RBFOX1: variants seen among roughly 807,000 people sequenced by gnomAD.
RBFOX1 encodes the protein RNA binding protein fox-1 homolog 1.
In RBFOX1, 8 loss-of-function variants were observed where a neutral mutation model predicts 57.7. The ratio of observed to expected loss-of-function variants is 0.14; its 90% CI spans 0.08 to 0.25. The LOEUF (loss-of-function observed/expected upper bound fraction) is 0.25, where lower values mean the gene tolerates loss of function less well. RBFOX1 is among the 10% of genes least tolerant of loss of function. RBFOX1 has a pLI of 1.00. For missense variants in RBFOX1, 611 were observed against 548.5 expected (o/e 1.11, Z -1.14); for synonymous variants, 326 against 222.4 (o/e 1.47, Z -4.15).
chr16:6,866,369 A>T (rs990698902), intron 3 of RBFOX1, among the ~76,000 whole-genome samples: 6 of 151,794 alleles, frequency 4.0e-5, no homozygotes, highest in African/African-American at 1.2e-4. Flanking sequence ...AACTCTGTTG[A>T]TGGGTCTAAT....
chr16:5,323,590 A>C (rs1324526936), intron 1 of RBFOX1, among the ~76,000 whole-genome samples: 1 of 152,254 alleles, frequency 6.6e-6, no homozygotes, highest in African/African-American at 2.4e-5. Context: ...GACATTTCAG[A>C]AGAGATCGAC....
intron 3 of RBFOX1, among the ~76,000 whole-genome samples, chr16:6,999,221 TTTTA>T (rs1480243407): frequency 2.0e-5 from 2 of 101,228 alleles, no homozygotes; most frequent in African/African-American, 6.5e-5. Context: ...TATTTATTTT[TTTTA>T]TTTATTTTTT....
At chr16:6,967,012 G>C (rs888432839) in intron 3 of RBFOX1, among the ~76,000 whole-genome samples, 1 of 151,640 alleles carries the variant, frequency 6.6e-6, no homozygotes, top group Non-Finnish European at 1.5e-5. Context: ...TTTTATTTCT[G>C]TATGTACCTA....
intron 2 of RBFOX1, among the ~76,000 whole-genome samples, chr16:5,502,507 G>T (rs1301194297): frequency 1.3e-5 from 2 of 152,154 alleles, no homozygotes; most frequent in Non-Finnish European, 2.9e-5. Context: ...CTGCTTCTCT[G>T]GGTCTGGCTG....
At chr16:5,593,791 C>G (rs964762654) in intron 2 of RBFOX1, among the ~76,000 whole-genome samples, 4 of 152,206 alleles carry the variant, frequency 2.6e-5, no homozygotes, top group Non-Finnish European at 4.4e-5. Context: ...CCTTTACTTT[C>G]CTAATCAACT....
chr16:7,573,159 C>A (rs2092966976), intron 5 of RBFOX1, among the ~76,000 whole-genome samples: 2 of 152,040 alleles, frequency 1.3e-5, no homozygotes, highest in Admixed American at 1.3e-4. Context: ...ATTGTATCGG[C>A]AAGAGGGCAA....
chr16:7,275,592 G>T (rs1415894072), intron 4 of RBFOX1, among the ~76,000 whole-genome samples: 2 of 152,216 alleles, frequency 1.3e-5, no homozygotes, highest in East Asian at 1.9e-4. Flanking sequence ...GTTCTGGAAA[G>T]CCTGCTAATT....
intron 12 of RBFOX1, among the ~76,000 whole-genome samples, chr16:7,659,090 C>G (rs1223116006): frequency 1.3e-5 from 2 of 152,302 alleles, no homozygotes; most frequent in Middle Eastern, 3.4e-3. Flanking sequence ...GTCTTGTTCT[C>G]TAGGTATCTC....
At chr16:6,969,353 G>A (rs1025496636) in intron 3 of RBFOX1, among the ~76,000 whole-genome samples, 1 of 152,146 alleles carries the variant, frequency 6.6e-6, no homozygotes, top group African/African-American at 2.4e-5. Flanking sequence ...GTGTCATGCA[G>A]TGATTCCATA....
chr16:6,820,541 C>G (rs1046776806), intron 3 of RBFOX1, among the ~76,000 whole-genome samples: 4 of 151,904 alleles, frequency 2.6e-5, no homozygotes, highest in African/African-American at 9.7e-5. Flanking sequence ...CACCTATAGT[C>G]TCAGCTACTT....
intron 2 of RBFOX1, among the ~76,000 whole-genome samples, chr16:6,513,760 A>C (rs897557158): frequency 3.3e-5 from 5 of 152,072 alleles, no homozygotes; most frequent in Non-Finnish European, 5.9e-5. Flanking sequence ...AACAAAAAAA[A>C]ACAAAGTCTG....
intron 3 of RBFOX1, among the ~76,000 whole-genome samples, chr16:7,007,882 A>G (rs12930026): frequency 0.43 from 65,604 of 152,080 alleles, 17,703 homozygotes; most frequent in South Asian, 0.62. Context: ...ATGGACTTGT[A>G]AGAACCTTCA....
chr16:7,023,459 C>CAAA (rs368260398), intron 3 of RBFOX1, among the ~76,000 whole-genome samples: 32 of 124,882 alleles, frequency 2.6e-4, no homozygotes, highest in African/African-American at 9.1e-4. Context: ...GACTCCATCT[C>CAAA]AAAAAAAAAA....
chr16:6,952,256 A>G (rs890279554), intron 3 of RBFOX1, among the ~76,000 whole-genome samples: 11 of 152,186 alleles, frequency 7.2e-5, no homozygotes, highest in Admixed American at 7.2e-4. Context: ...GTTTCTGTAG[A>G]TTTCTGGTTC....
chr16:7,057,925 T>G (rs2052906746), intron 4 of RBFOX1, among the ~76,000 whole-genome samples: 1 of 146,970 alleles, frequency 6.8e-6, no homozygotes, highest in African/African-American at 2.5e-5. Flanking sequence ...GGAGAATTGC[T>G]TGACCCCGGG....
intron 2 of RBFOX1, among the ~76,000 whole-genome samples, chr16:6,468,682 A>T (rs1382615894): frequency 6.6e-6 from 1 of 152,154 alleles, no homozygotes; most frequent in Non-Finnish European, 1.5e-5. Context: ...GAACATTGAA[A>T]TGTTGAGCCT....
chr16:5,371,985 A>G (rs553628491), intron 1 of RBFOX1, among the ~76,000 whole-genome samples: 27 of 152,330 alleles, frequency 1.8e-4, no homozygotes, highest in African/African-American at 6.0e-4. Flanking sequence ...GAAGTGGCAA[A>G]GAGAGCTGTC....
At chr16:7,106,374 C>G (rs2063583542) in intron 4 of RBFOX1, among the ~76,000 whole-genome samples, 1 of 152,040 alleles carries the variant, frequency 6.6e-6, no homozygotes, top group Non-Finnish European at 1.5e-5. Flanking sequence ...CAAATGGAGT[C>G]AGATTGAAAA....
At chr16:6,830,765 A>G (rs2092649818) in intron 3 of RBFOX1, among the ~76,000 whole-genome samples, 1 of 152,186 alleles carries the variant, frequency 6.6e-6, no homozygotes, top group Admixed American at 6.5e-5. Flanking sequence ...TTTTAGGAGG[A>G]TGACGTCCTC....
Sources: gnomAD v4.1 joint callset for allele counts (sites outside exome capture counted in the v4.1 genomes callset) on GRCh38, gnomAD v4.1.1 for gene constraint, MANE v1.5 for transcripts, NCBI Gene and HGNC (gene_info 2026-07-23, HGNC 2026-07-21) for gene names.